The following STRN3 variants were observed in gnomAD, a reference collection of about 807,000 sequenced individuals.
The protein encoded by STRN3 is striatin 3.
STRN3 carries 29 observed loss-of-function variants against 95.6 expected under a neutral mutation model. That is an observed-to-expected ratio of 0.30 (90% CI 0.23 to 0.41). STRN3 has a LOEUF of 0.41. Ranked by LOEUF, STRN3 falls within the 10% of genes least tolerant of loss-of-function variation. The pLI is 1.00. For missense variants in STRN3, 890 were observed against 972.1 expected, an observed-to-expected ratio of 0.92 and a Z score of 1.12; for synonymous variants, 331 against 357.6, an observed-to-expected ratio of 0.93 and a Z score of 0.84.
chr14:30,939,493 T>G (rs1465698294), intron 5 of STRN3, among the ~76,000 whole-genome samples: 1 of 152,152 alleles, frequency 6.6e-6, no homozygotes, highest in Non-Finnish European at 1.5e-5. Context: ...AGAAAAGGTT[T>G]GTCAGGCAAC....
At chr14:31,023,864 T>C (rs1468947123) in intron 1 of STRN3, among the ~76,000 whole-genome samples, 1 of 146,754 alleles carries the variant, frequency 6.8e-6, no homozygotes, top group Non-Finnish European at 1.5e-5. Flanking sequence ...ATCATGAACA[T>C]TTTATTCCAA....
At chr14:30,987,234 G>A (rs538051771) in intron 1 of STRN3, among the ~76,000 whole-genome samples, 8 of 152,292 alleles carry the variant, frequency 5.3e-5, no homozygotes, top group East Asian at 1.9e-4. Flanking sequence ...AGGGCCAGGC[G>A]CAGTGGCTCA....
At chr14:30,960,130 T>C (rs1594499010) in intron 1 of STRN3, among the ~76,000 whole-genome samples, 1 of 149,692 alleles carries the variant, frequency 6.7e-6, no homozygotes, top group East Asian at 2.0e-4. Flanking sequence ...CTGAGGAGGG[T>C]GGATTGCTTG....
intron 1 of STRN3, among the ~76,000 whole-genome samples, chr14:30,970,596 C>T (rs146079087): frequency 1.3e-3 from 203 of 152,170 alleles, no homozygotes; most frequent in African/African-American, 4.5e-3. Flanking sequence ...AAGGACAGAC[C>T]CTATTGGACT....
rs1299832449 is a variant in STRN3 at position 30,902,206 on chromosome 14, AAAT to A, written c.2137+327_2137+329del. 1.9e-3 allele frequency among the ~76,000 whole-genome samples: 227 copies of A among 119,032 alleles called. 11 individuals carry two copies. The highest frequency in any genetic ancestry group is 7.3e-3 in the South Asian group (29 of 3,946). The allele number at this position is 119,032 out of a possible 152,430, so 78.1% of individuals were successfully genotyped here. On this transcript the variant is annotated intron_variant, in intron 16 of 17. Transcript: ENST00000357479. Reference sequence around the variant, plus strand: ...AAAAAAAAAAAAAAAAAAAAAAAAAAAATGGAAATGCCAAACACCAGAAAGAGA... The same window carrying A: ...AAAAAAAAAAAAAAAAAAAAAAAAAAGGAAATGCCAAACACCAGAAAGAGA...
intron 1 of STRN3, among the ~76,000 whole-genome samples, chr14:31,004,131 A>G (rs530088184): frequency 6.6e-6 from 1 of 152,152 alleles, no homozygotes; most frequent in African/African-American, 2.4e-5. Context: ...AAAAAATACA[A>G]AAAATTAGCC....
intron 8 of STRN3, among the ~76,000 whole-genome samples, chr14:30,927,930 CAAAA>C (rs56216107): frequency 1.2e-3 from 106 of 85,056 alleles, no homozygotes; most frequent in East Asian, 3.3e-3. Context: ...GAGACTCCGT[CAAAA>C]AAAAAAAAAA....
intron 1 of STRN3, among the ~76,000 whole-genome samples, chr14:31,024,692 C>T (rs1397204980): frequency 1.3e-5 from 2 of 152,070 alleles, no homozygotes; most frequent in Non-Finnish European, 2.9e-5. Context: ...CTAGTTAATC[C>T]AATCCTCCTC....
At chr14:30,909,151 G>A (rs1198862537) in intron 13 of STRN3, among the ~76,000 whole-genome samples, 1 of 152,224 alleles carries the variant, frequency 6.6e-6, no homozygotes, top group Non-Finnish European at 1.5e-5. Flanking sequence ...GATGATGGCT[G>A]TACAACTTTG....
intron 5 of STRN3, among the ~76,000 whole-genome samples, chr14:30,942,886 C>A (rs944341352): frequency 6.6e-6 from 1 of 152,140 alleles, no homozygotes; most frequent in African/African-American, 2.4e-5. Context: ...TACATTAATT[C>A]ATTCCTTCCT....
At chr14:30,967,286 G>GGGGGAAAGAGAGGCGGTGGT (rs1880571525) in intron 1 of STRN3, among the ~76,000 whole-genome samples, 2 of 147,264 alleles carry the variant, frequency 1.4e-5, no homozygotes, top group African/African-American at 2.5e-5. Context: ...AGGCAGAGAG[G>GGGGGAAAGAGAGGCGGTGGT]GGGGAAAGAG....
chr14:30,936,425 G>A (rs764702600), intron 6 of STRN3, 70 bp downstream of exon 6: 249 of 1,509,290 alleles, frequency 1.6e-4, no homozygotes, highest in Non-Finnish European at 2.1e-4. Context: ...TGTAACTTAA[G>A]ATATCTTAAA....
At chr14:30,933,469 A>G (rs1050209036) in intron 7 of STRN3, among the ~76,000 whole-genome samples, 2 of 151,908 alleles carry the variant, frequency 1.3e-5, no homozygotes, top group Non-Finnish European at 2.9e-5. Flanking sequence ...TTTGTATTAC[A>G]AAATAATTAT....
At chr14:31,023,600 C>T (rs2139363109) in intron 1 of STRN3, among the ~76,000 whole-genome samples, 1 of 152,170 alleles carries the variant, frequency 6.6e-6, no homozygotes, top group South Asian at 2.1e-4. Flanking sequence ...GCACTGGAGA[C>T]TGTACATAAT....
chr14:30,972,937 G>A (rs1880906640), intron 1 of STRN3, among the ~76,000 whole-genome samples: 1 of 152,248 alleles, frequency 6.6e-6, no homozygotes, highest in Non-Finnish European at 1.5e-5. Flanking sequence ...TAGGCCGGGT[G>A]CGGGCTCACG....
chr14:30,911,175 G>A lies in STRN3; in HGVS notation c.1599-13C>T. 3 of 1,602,708 alleles carry A rather than the reference G, an allele frequency of 1.9e-6. No homozygotes were observed. The highest frequency in any genetic ancestry group is 2.5e-6 in the Non-Finnish European group (3 of 1,176,584). On this transcript the variant is annotated splice_polypyrimidine_tract_variant and intron_variant, in intron 12 of 17. Coordinates refer to ENST00000357479, the MANE Select transcript of STRN3 (RefSeq NM_001083893.2). ...CAGAACAGGGCCGCTATTGTAGGAA[G>A]AGAGGAAAAACAAATTACTGATAAA...
chr14:30,914,828 T>C (rs1034786600), intron 9 of STRN3, among the ~76,000 whole-genome samples: 3 of 152,238 alleles, frequency 2.0e-5, no homozygotes, highest in African/African-American at 4.8e-5. Flanking sequence ...TTCTCAACTA[T>C]ATCATGTGCA....
chr14:30,984,292 A>AAAAAAAAAAAAAAAAAAAAAC (rs1397539689), intron 1 of STRN3, among the ~76,000 whole-genome samples: 2 of 127,470 alleles, frequency 1.6e-5, no homozygotes, highest in Non-Finnish European at 1.6e-5. Flanking sequence ...AAAAAAAAAA[A>AAAAAAAAAAAAAAAAAAAAAC]CAGAAAAGAA....
In STRN3 at chr14:30,921,083, C is replaced by T. The variant is rs572698093; in HGVS notation, c.1100-1977G>A. Among the ~76,000 whole-genome samples the T allele has an allele frequency of 4.0e-4, 60 of 149,150 alleles. No individual in the cohort carries two copies. In the Middle Eastern group the frequency reaches 0.01, roughly 25 times the overall value. ...CTACACATACATATACACACACACA[C>T]ACACACACACACACACACACACACT... On this transcript the variant is annotated intron_variant, in intron 8 of 17. Coordinates refer to ENST00000357479, the MANE Select transcript of STRN3 (RefSeq NM_001083893.2).
Sources: allele counts gnomAD v4.1 joint callset (sites outside exome capture counted in the v4.1 genomes callset), GRCh38; gene constraint gnomAD v4.1.1; transcripts MANE v1.5; gene names NCBI Gene and HGNC (gene_info 2026-07-23, HGNC 2026-07-21).